Variants in SLC71A2 observed in about 807,000 individuals in gnomAD.
The protein encoded by SLC71A2 is solute carrier family 71 member 2, also known as hippocampus abundant transcript-like 1.
the SLC71A2 span, among the ~76,000 whole-genome samples, chr9:94,417,238 G>C: frequency 6.6e-6 from 1 of 152,084 alleles, no homozygotes; most frequent in African/African-American, 2.4e-5. Context: ...CATTTTCACT[G>C]TTTTGAAGTA....
At chr9:94,426,891 G>T in the SLC71A2 span, among the ~76,000 whole-genome samples, 1 of 152,294 alleles carries the variant, frequency 6.6e-6, no homozygotes, top group Non-Finnish European at 1.5e-5. Context: ...CTAGAGTGCA[G>T]TGGTGCAATC....
At chr9:94,374,901 G>A in the SLC71A2 span, 6 of 1,265,144 alleles carry the variant, frequency 4.7e-6, no homozygotes, top group Non-Finnish European at 6.0e-6. Flanking sequence ...GAAGCGCGCG[G>A]GCGCGCAGGC....
the SLC71A2 span, among the ~76,000 whole-genome samples, chr9:94,434,765 A>T: frequency 2.0e-5 from 3 of 152,220 alleles, no homozygotes; most frequent in Non-Finnish European, 4.4e-5. Context: ...AATAATGGCA[A>T]ACTTTCTAAG....
the SLC71A2 span, chr9:94,429,053 A>AT: frequency 1.2e-5 from 16 of 1,335,758 alleles, no homozygotes; most frequent in Non-Finnish European, 1.5e-5. Flanking sequence ...TTGTTTGTTT[A>AT]TTTTTTTGAA....
chr9:94,459,750 C>A, the SLC71A2 span: 1 of 228,670 alleles, frequency 4.4e-6, no homozygotes, highest in Non-Finnish European at 8.7e-6. Context: ...GTAAGAGTGG[C>A]AGCAATCTTT....
chr9:94,419,327 C>G, the SLC71A2 span, among the ~76,000 whole-genome samples: 1 of 143,178 alleles, frequency 7.0e-6, no homozygotes, highest in South Asian at 2.2e-4. Context: ...GACAGTCTCT[C>G]TCTGTTGCCC....
At chr9:94,458,485 G>C in the SLC71A2 span, 2 of 1,611,314 alleles carry the variant, frequency 1.2e-6, no homozygotes, top group Admixed American at 1.7e-5. Flanking sequence ...CATAAGTCTA[G>C]TTTTGTAACA....
chr9:94,390,480 T>C, the SLC71A2 span, among the ~76,000 whole-genome samples: 1 of 151,142 alleles, frequency 6.6e-6, no homozygotes, highest in African/African-American at 2.4e-5. Flanking sequence ...TGTGAGCATT[T>C]TTTGTTTGGA....
the SLC71A2 span, among the ~76,000 whole-genome samples, chr9:94,414,915 C>G: frequency 6.6e-6 from 1 of 152,120 alleles, no homozygotes; most frequent in Non-Finnish European, 1.5e-5. Context: ...GCCTTGGCCT[C>G]CCAAAGTGCT....
the SLC71A2 span, among the ~76,000 whole-genome samples, chr9:94,387,503 A>G: frequency 1.3e-5 from 2 of 152,106 alleles, no homozygotes; most frequent in African/African-American, 4.8e-5. Context: ...ACTATGACTC[A>G]TCAATTCTCA....
At chr9:94,434,779 T>C in the SLC71A2 span, among the ~76,000 whole-genome samples, 30 of 152,328 alleles carry the variant, frequency 2.0e-4, no homozygotes, top group African/African-American at 7.2e-4. Flanking sequence ...TTCTAAGAGA[T>C]AGGTACTCAT....
the SLC71A2 span, among the ~76,000 whole-genome samples, chr9:94,457,922 A>G: frequency 1.3e-5 from 2 of 152,082 alleles, no homozygotes; most frequent in East Asian, 1.9e-4. Context: ...GCTGGAATAC[A>G]CCTGTGAAGA....
At chr9:94,453,980 TGAG>T in the SLC71A2 span, 1 of 1,599,704 alleles carries the variant, frequency 6.3e-7, no homozygotes, top group Non-Finnish European at 8.6e-7. Context: ...AGCATCTTGA[TGAG>T]ATCATTAGGA....
At chr9:94,459,344 C>T in the SLC71A2 span, 4 of 1,614,134 alleles carry the variant, frequency 2.5e-6, no homozygotes, top group Non-Finnish European at 3.4e-6. Context: ...TGAGCCACTA[C>T]TGCAAGACAG....
chr9:94,437,030 G>C, the SLC71A2 span, among the ~76,000 whole-genome samples: 21 of 150,648 alleles, frequency 1.4e-4, no homozygotes, highest in Non-Finnish European at 2.4e-4. Flanking sequence ...AGATAGAGGA[G>C]GAGGTGCTTC....
chr9:94,454,642 G>GCGT, the SLC71A2 span, among the ~76,000 whole-genome samples: 8 of 152,090 alleles, frequency 5.3e-5, no homozygotes, highest in Non-Finnish European at 1.2e-4. Context: ...GGGATTACAG[G>GCGT]CGTGAGCCAC....
At chr9:94,435,650 C>CTTTTT in the SLC71A2 span, among the ~76,000 whole-genome samples, 8 of 48,402 alleles carry the variant, frequency 1.7e-4, no homozygotes, top group African/African-American at 4.6e-4. Flanking sequence ...TTTCCTTCTT[C>CTTTTT]TTTTTTTTTT....
the SLC71A2 span, chr9:94,458,511 T>TATAGC: frequency 4.5e-6 from 7 of 1,569,832 alleles, no homozygotes; most frequent in Admixed American, 1.1e-4. Context: ...TATGTATGAT[T>TATAGC]ATAGCAAAAT....
the SLC71A2 span, chr9:94,456,442 C>T: frequency 1.3e-6 from 1 of 775,112 alleles, no homozygotes; most frequent in Admixed American, 2.0e-5. Context: ...GAGCCGACAG[C>T]CATATGGCCC....
Sources: allele counts gnomAD v4.1 joint callset (sites outside exome capture counted in the v4.1 genomes callset), GRCh38; gene constraint gnomAD v4.1.1; transcripts MANE v1.5; gene names NCBI Gene and HGNC (gene_info 2026-07-23, HGNC 2026-07-21).